Variants in NRG1 observed in about 807,000 individuals in gnomAD.
NRG1 encodes pro-neuregulin-1, membrane-bound isoform.
Under a neutral mutation model 63.8 loss-of-function variants are expected in NRG1, and 18 were observed. That is an observed-to-expected ratio of 0.28 (90% CI 0.19 to 0.42). NRG1 has a LOEUF of 0.42. Ranked by LOEUF, NRG1 falls within the 10% of genes least tolerant of loss-of-function variation. The pLI, the probability that NRG1 is intolerant of heterozygous loss-of-function variation, is 1.00. For missense variants in NRG1, 762 were observed against 814.7 expected (o/e 0.94, Z 0.79); for synonymous variants, 302 against 301.3 (o/e 1.00, Z -0.02).
At chr8:31,904,460 C>T (rs1400832102) in intron 1 of NRG1, among the ~76,000 whole-genome samples, 4 of 152,184 alleles carry the variant, frequency 2.6e-5, no homozygotes, top group Non-Finnish European at 5.9e-5. Context: ...TAAATTACCT[C>T]AGCTACTGTG....
intron 1 of NRG1, among the ~76,000 whole-genome samples, chr8:31,723,502 A>G (rs1813126657): frequency 6.6e-6 from 1 of 151,990 alleles, no homozygotes; most frequent in South Asian, 2.1e-4. Context: ...AGGCTGGAGT[A>G]TATTGGCTAT....
At chr8:32,127,360 T>C (rs901183662) in intron 1 of NRG1, among the ~76,000 whole-genome samples, 3 of 151,848 alleles carry the variant, frequency 2.0e-5, no homozygotes, top group African/African-American at 7.3e-5. Flanking sequence ...CTACGTGGTC[T>C]TGCAAAAGAC....
In NRG1 at chr8:31,760,633, T is replaced by G. The variant is rs201198842; in HGVS notation, c.37+121202T>G. Among the ~76,000 whole-genome samples the G allele has an allele frequency of 3.0e-4, 46 of 152,184 alleles. No homozygotes were observed. In the East Asian group the frequency reaches 6.6e-3, roughly 22 times the overall value. ...AAAAACAAACAACCCCATCAAAAAG[T>G]GGGCAAAGGATATGAACAGGCACTT... On this transcript the variant is annotated intron_variant, in intron 1 of 10. Transcript: ENST00000519301.
chr8:31,879,366 G>A (rs1016369456), intron 1 of NRG1, among the ~76,000 whole-genome samples: 1 of 152,162 alleles, frequency 6.6e-6, no homozygotes, highest in African/African-American at 2.4e-5. Context: ...AGACTACAAA[G>A]TCCTTACTAA....
In NRG1 at chr8:32,419,958, A is replaced by G. The variant is rs1816478010; in HGVS notation, c.38-175870A>G. On this transcript the variant is annotated intron_variant, in intron 1 of 10. Coordinates refer to the NRG1 transcript ENST00000519301. ...TTCTATTTTAATAGTCCCAATAAAC[A>G]GATGGAACCACAAAAACACAGCCGG... 2.6e-5 allele frequency among the ~76,000 whole-genome samples: 4 copies of G among 152,204 alleles called. 1 individual carries two copies. The South Asian group carries it at 8.3e-4, about 32-fold the overall frequency.
chr8:32,101,509 A>G (rs1002975587), intron 1 of NRG1, among the ~76,000 whole-genome samples: 4 of 144,276 alleles, frequency 2.8e-5, no homozygotes, highest in African/African-American at 1.0e-4. Flanking sequence ...TAGTAAAAGC[A>G]TATTTGGAGC....
intron 1 of NRG1, among the ~76,000 whole-genome samples, chr8:31,652,973 TCC>T (rs1805016963): frequency 4.2e-5 from 1 of 23,696 alleles, no homozygotes; most frequent in African/African-American, 1.2e-4. Context: ...TCCTCTCCTC[TCC>T]TCTCCTCTCC....
At chr8:31,860,109 A>G (rs867272641) in intron 1 of NRG1, among the ~76,000 whole-genome samples, 2 of 152,240 alleles carry the variant, frequency 1.3e-5, no homozygotes, top group African/African-American at 4.8e-5. Flanking sequence ...TGCAAAGAAC[A>G]TTAGCTGAGA....
intron 1 of NRG1, among the ~76,000 whole-genome samples, chr8:31,800,047 C>T (rs1821606655): frequency 6.6e-6 from 1 of 152,078 alleles, no homozygotes; most frequent in Non-Finnish European, 1.5e-5. Flanking sequence ...CATCTGTTGG[C>T]CTATAATGTT....
chr8:32,151,592 C>A (rs2131829645), intron 1 of NRG1, among the ~76,000 whole-genome samples: 1 of 152,176 alleles, frequency 6.6e-6, no homozygotes, highest in East Asian at 1.9e-4. Flanking sequence ...ACGGGAAAAT[C>A]TGTGAGGATC....
intron 1 of NRG1, among the ~76,000 whole-genome samples, chr8:32,199,239 G>T (rs987779032): frequency 2.0e-5 from 3 of 151,972 alleles, no homozygotes; most frequent in African/African-American, 7.3e-5. Context: ...GGGGCCCTCA[G>T]CTTCTGCTTT....
intron 1 of NRG1, among the ~76,000 whole-genome samples, chr8:31,809,633 T>G (rs1305748641): frequency 1.3e-5 from 2 of 151,178 alleles, no homozygotes; most frequent in African/African-American, 2.4e-5. Context: ...TAAATGTTTC[T>G]TTTTATAAAA....
chr8:32,625,882 C>T (rs1443349304), intron 5 of NRG1, among the ~76,000 whole-genome samples: 3 of 149,050 alleles, frequency 2.0e-5, no homozygotes, highest in Non-Finnish European at 3.0e-5. Flanking sequence ...CAACCTCGGC[C>T]TCCCGGGTTC....
At chr8:31,975,455 T>A (rs948529859) in intron 1 of NRG1, among the ~76,000 whole-genome samples, 1 of 152,182 alleles carries the variant, frequency 6.6e-6, no homozygotes, top group Non-Finnish European at 1.5e-5. Context: ...TAAACATGAA[T>A]AGGACATGTT....
intron 1 of NRG1, among the ~76,000 whole-genome samples, chr8:31,866,030 G>T (rs978762429): frequency 6.6e-6 from 1 of 152,176 alleles, no homozygotes; most frequent in Non-Finnish European, 1.5e-5. Flanking sequence ...TTCATGTGCG[G>T]TTCTTGTCTC....
chr8:32,374,664 T>C (rs1809387478), intron 1 of NRG1, among the ~76,000 whole-genome samples: 1 of 152,204 alleles, frequency 6.6e-6, no homozygotes, highest in Admixed American at 6.5e-5. Context: ...CTGACTATAT[T>C]TCCTCTGATT....
intron 1 of NRG1, among the ~76,000 whole-genome samples, chr8:31,804,716 T>A (rs1822108650): frequency 6.6e-6 from 1 of 152,154 alleles, no homozygotes; most frequent in Non-Finnish European, 1.5e-5. Context: ...CAGTTATTGC[T>A]CTTAAGGCCT....
chr8:32,317,332 A>T (rs1207315905), intron 1 of NRG1, among the ~76,000 whole-genome samples: 1 of 152,212 alleles, frequency 6.6e-6, no homozygotes, highest in Non-Finnish European at 1.5e-5. Context: ...GCTAAACAAG[A>T]CACTCAGGAG....
chr8:32,326,153 G>T (rs1383146252), intron 1 of NRG1, among the ~76,000 whole-genome samples: 1 of 151,834 alleles, frequency 6.6e-6, no homozygotes, highest in Non-Finnish European at 1.5e-5. Flanking sequence ...GCGATTACAG[G>T]CGCACGCCAC....
Sources: gnomAD v4.1 joint callset for allele counts (sites outside exome capture counted in the v4.1 genomes callset) on GRCh38, gnomAD v4.1.1 for gene constraint, MANE v1.5 for transcripts, NCBI Gene and HGNC (gene_info 2026-07-23, HGNC 2026-07-21) for gene names.